The following ACO1 variants were observed in gnomAD, a reference collection of about 807,000 sequenced individuals.
ACO1 encodes the protein aconitase 1, also known as cytoplasmic aconitate hydratase.
A neutral mutation model predicts 105.1 loss-of-function variants in ACO1; 78 were observed. The ratio of observed to expected loss-of-function variants is 0.74; its 90% CI spans 0.62 to 0.90. The LOEUF is 0.90. ACO1 is among the 40% of genes least tolerant of loss of function. The pLI is 0.00. For synonymous variants in ACO1, 364 were observed against 397.4 expected, an observed-to-expected ratio of 0.92 and a Z score of 1.00; for missense variants, 965 against 1,111.1, an observed-to-expected ratio of 0.87 and a Z score of 1.87.
chr9:32,411,721 T>G (rs1305557235), intron 4 of ACO1, among the ~76,000 whole-genome samples: 3 of 152,188 alleles, frequency 2.0e-5, no homozygotes, highest in Non-Finnish European at 4.4e-5. Context: ...AAAATATTAA[T>G]TATGAAGGTG....
At chr9:32,403,037 G>C (rs956666498) in intron 1 of ACO1, among the ~76,000 whole-genome samples, 4 of 152,168 alleles carry the variant, frequency 2.6e-5, no homozygotes, top group Middle Eastern at 3.2e-3. Flanking sequence ...TCAAAGTTGA[G>C]TCTCTTGTGA....
intron 17 of ACO1, among the ~76,000 whole-genome samples, chr9:32,435,290 G>C (rs1363706122): frequency 6.6e-6 from 1 of 152,166 alleles, no homozygotes; most frequent in African/African-American, 2.4e-5. Context: ...TTCTTTCAGT[G>C]ATTCCCCAGA....
chr9:32,398,987 C>G (rs1821430916), intron 1 of ACO1, among the ~76,000 whole-genome samples: 1 of 152,164 alleles, frequency 6.6e-6, no homozygotes, highest in South Asian at 2.1e-4. Context: ...TGTACTGGCC[C>G]AAATAGGATT....
At chr9:32,413,127 T>C (rs948671403) in intron 4 of ACO1, among the ~76,000 whole-genome samples, 1 of 152,010 alleles carries the variant, frequency 6.6e-6, no homozygotes, top group African/African-American at 2.4e-5. Context: ...AACAGCAAAA[T>C]CCAAGGGTGA....
chr9:32,448,547 T>G (rs1167048126), intron 19 of ACO1, among the ~76,000 whole-genome samples: 1 of 152,216 alleles, frequency 6.6e-6, no homozygotes, highest in Non-Finnish European at 1.5e-5. Flanking sequence ...GCGCAGTATC[T>G]GGGCCAGAGT....
At chr9:32,403,387 T>C (rs2118390365) in intron 1 of ACO1, among the ~76,000 whole-genome samples, 1 of 152,290 alleles carries the variant, frequency 6.6e-6, no homozygotes, top group African/African-American at 2.4e-5. Context: ...TTCCTTCATA[T>C]AGTGAAACTA....
At chr9:32,431,896 C>A in intron 15 of ACO1, 53 bp downstream of exon 15, 1 of 1,602,298 alleles carries the variant, frequency 6.2e-7, no homozygotes, top group Non-Finnish European at 8.5e-7. Flanking sequence ...GAAAGCTGCT[C>A]CCTTTGTGTC....
chr9:32,392,967 T>C (rs1415619888), intron 1 of ACO1, among the ~76,000 whole-genome samples: 1 of 152,212 alleles, frequency 6.6e-6, no homozygotes, highest in African/African-American at 2.4e-5. Flanking sequence ...TTTAATCTCT[T>C]AATCCCATCA....
intron 1 of ACO1, among the ~76,000 whole-genome samples, chr9:32,391,833 G>A (rs984537773): frequency 1.3e-5 from 2 of 152,298 alleles, no homozygotes; most frequent in Non-Finnish European, 2.9e-5. Context: ...ATAAGCCATT[G>A]CCAAGAATCT....
intron 8 of ACO1, among the ~76,000 whole-genome samples, chr9:32,422,363 G>A (rs1258278260): frequency 6.6e-6 from 1 of 152,144 alleles, no homozygotes; most frequent in African/African-American, 2.4e-5. Flanking sequence ...AGTGAACAGC[G>A]GGCTCAACAA....
rs1294518091 is a variant in ACO1 at position 32,450,235 on chromosome 9, C to T, written c.*124C>T. ...CTGCCTTGTAGATGGAGCAAGTGAG[C>T]ACTGAGGGTCTGGTGCCAATCCTGT... is the stretch of plus-strand genomic sequence containing the variant. On this transcript the variant is annotated 3_prime_UTR_variant, in exon 21 of 21. Coordinates refer to ENST00000309951, the MANE Select transcript of ACO1 (RefSeq NM_002197.3). The T allele has an allele frequency of 1.3e-6, 1 of 787,234 alleles. No individual in the cohort carries two copies. The highest frequency in any genetic ancestry group is 2.3e-6 in the Non-Finnish European group (1 of 433,614). The allele number at this position is 787,234 out of a possible 1,614,324, so 48.8% of individuals were successfully genotyped here.
Position 32,425,288 on chromosome 9 carries a change from AC to A in ACO1, c.1189-549del, listed in dbSNP as rs1344303843. On this transcript the variant is annotated intron_variant, in intron 10 of 20. Transcript: ENST00000309951. ...CTTACATGCGGTAGATTTTCAATGAACATTTCCCAAAAGAATGATTAAGATG... is the reference window on the plus strand; with the variant it reads ...CTTACATGCGGTAGATTTTCAATGAAATTTCCCAAAAGAATGATTAAGATG... 2.0e-5 allele frequency among the ~76,000 whole-genome samples: 3 copies of A among 152,374 alleles called. No individual in the cohort carries two copies. The East Asian group carries it at 5.8e-4, about 29-fold the overall frequency.
intron 1 of ACO1, among the ~76,000 whole-genome samples, chr9:32,403,230 A>G (rs542721652): frequency 6.6e-6 from 1 of 152,262 alleles, no homozygotes; most frequent in African/African-American, 2.4e-5. Context: ...CATCCCTCTG[A>G]GCTGCGGTAT....
At chr9:32,405,630 G>GA in intron 2 of ACO1, 27 bp downstream of exon 2, 4 of 1,500,864 alleles carry the variant, frequency 2.7e-6, no homozygotes, top group Non-Finnish European at 2.8e-6. Flanking sequence ...GATAGCAATT[G>GA]GAATCTCATT....
At chr9:32,425,200 C>T (rs969514667) in intron 10 of ACO1, among the ~76,000 whole-genome samples, 11 of 152,158 alleles carry the variant, frequency 7.2e-5, no homozygotes, top group Non-Finnish European at 1.5e-4. Context: ...CTAGACTGTA[C>T]GTGTGAGAAT....
At chr9:32,438,852 T>A (rs1822419217) in intron 18 of ACO1, among the ~76,000 whole-genome samples, 1 of 152,182 alleles carries the variant, frequency 6.6e-6, no homozygotes, top group Non-Finnish European at 1.5e-5. Context: ...GAGGAGAGAT[T>A]GTTAAGAGAA....
intron 4 of ACO1, among the ~76,000 whole-genome samples, chr9:32,412,797 C>T (rs896162699): frequency 1.3e-5 from 2 of 152,186 alleles, no homozygotes; most frequent in African/African-American, 4.8e-5. Flanking sequence ...TAAAGACCCA[C>T]TTCAGAAGTT....
intron 19 of ACO1, among the ~76,000 whole-genome samples, chr9:32,443,337 T>C (rs1822524171): frequency 6.6e-6 from 1 of 152,176 alleles, no homozygotes; most frequent in African/African-American, 2.4e-5. Context: ...GGCTGAAGCA[T>C]CTTTTTCTCC....
intron 1 of ACO1, among the ~76,000 whole-genome samples, chr9:32,393,734 T>G (rs537550945): frequency 1.6e-4 from 24 of 152,326 alleles, no homozygotes; most frequent in African/African-American, 5.3e-4. Flanking sequence ...TTTCCCTTTA[T>G]TTCTCAGACC....
Sources: allele counts gnomAD v4.1 joint callset (sites outside exome capture counted in the v4.1 genomes callset), GRCh38; gene constraint gnomAD v4.1.1; transcripts MANE v1.5; gene names NCBI Gene and HGNC (gene_info 2026-07-23, HGNC 2026-07-21).